Variants in ATP6V0D2 observed in about 807,000 individuals in gnomAD.
ATP6V0D2 encodes V-type proton ATPase subunit d 2.
A neutral mutation model predicts 40.0 loss-of-function variants in ATP6V0D2; 40 were observed. The observed-to-expected ratio is 1.00, with a 90% CI of 0.78 to 1.30. The LOEUF is 1.30. Ranked by LOEUF, ATP6V0D2 falls within the 50% of genes most tolerant of loss-of-function variation. The pLI, the probability that ATP6V0D2 is intolerant of heterozygous loss-of-function variation, is 0.00. For synonymous variants in ATP6V0D2, 179 were observed against 156.3 expected (o/e 1.15, Z -1.08); for missense variants, 470 against 423.1 (o/e 1.11, Z -0.97).
At chr8:86,144,797 G>T (rs1371690159) in intron 5 of ATP6V0D2, among the ~76,000 whole-genome samples, 13 of 152,036 alleles carry the variant, frequency 8.6e-5, no homozygotes, top group African/African-American at 2.4e-4. Flanking sequence ...CTCCTGAGTA[G>T]CTGGAACCAC....
At chr8:86,123,497 A>G (rs1037469373) in intron 2 of ATP6V0D2, among the ~76,000 whole-genome samples, 4 of 152,220 alleles carry the variant, frequency 2.6e-5, no homozygotes, top group Non-Finnish European at 5.9e-5. Flanking sequence ...AAAGCAGAGA[A>G]ACAATAGAGG....
At chr8:86,111,549 G>C (rs540029716) in intron 1 of ATP6V0D2, among the ~76,000 whole-genome samples, 1 of 152,262 alleles carries the variant, frequency 6.6e-6, no homozygotes, top group South Asian at 2.1e-4. Context: ...ATGAATGTAG[G>C]AGTACAGATA....
At chr8:86,132,933 A>G (rs1164209301) in intron 2 of ATP6V0D2, among the ~76,000 whole-genome samples, 1 of 152,078 alleles carries the variant, frequency 6.6e-6, no homozygotes, top group Non-Finnish European at 1.5e-5. Context: ...TACCAATTGA[A>G]ATTTCTACCA....
At chr8:86,107,948 A>T (rs1818487747) in intron 1 of ATP6V0D2, among the ~76,000 whole-genome samples, 2 of 152,208 alleles carry the variant, frequency 1.3e-5, no homozygotes, top group Non-Finnish European at 2.9e-5. Flanking sequence ...TGTATTTATT[A>T]AAAGTCTGAG....
chr8:86,099,014 C>A lies in ATP6V0D2; in HGVS notation c.36C>A (p.Asp12Glu), dbSNP rs768197673. 1 of 1,614,054 alleles carries A rather than the reference C, an allele frequency of 6.2e-7. No individual in the cohort carries two copies. The change falls in exon 1 of 8, where the codon GAC (aspartate) becomes GAA (glutamate). Residue 12 changes from aspartate (D) to glutamate (E), a missense_variant. Coordinates refer to ENST00000285393, the MANE Select transcript of ATP6V0D2 (RefSeq NM_152565.1). ...GTGCGGAGCTGTACTTCAACGTGGACCATGGCTACCTGGAGGGCCTGGTTC... is the reference window on the plus strand; with the variant it reads ...GTGCGGAGCTGTACTTCAACGTGGAACATGGCTACCTGGAGGGCCTGGTTC... The part of the protein sequence containing the change: ...LEGAELYFNV[D>E]HGYLEGLVRG...
intron 1 of ATP6V0D2, among the ~76,000 whole-genome samples, chr8:86,099,736 C>T (rs1013104583): frequency 4.6e-5 from 7 of 152,150 alleles, no homozygotes; most frequent in East Asian, 1.9e-4. Flanking sequence ...TCAGGTGATC[C>T]GACTGCCTTG....
At chr8:86,126,729 TATG>T (rs1818750421) in intron 2 of ATP6V0D2, among the ~76,000 whole-genome samples, 1 of 152,032 alleles carries the variant, frequency 6.6e-6, no homozygotes, top group South Asian at 2.1e-4. Context: ...TCATGAAAAA[TATG>T]ATACTAGAAT....
At chr8:86,115,065 C>T (rs2130240554) in intron 2 of ATP6V0D2, among the ~76,000 whole-genome samples, 1 of 152,252 alleles carries the variant, frequency 6.6e-6, no homozygotes, top group Middle Eastern at 3.4e-3. Flanking sequence ...AAATTAGAGA[C>T]ATGTTATACG....
At chr8:86,100,744 G>A (rs1430294905) in intron 1 of ATP6V0D2, among the ~76,000 whole-genome samples, 2 of 152,046 alleles carry the variant, frequency 1.3e-5, no homozygotes, top group African/African-American at 2.4e-5. Context: ...CTGACTAAGT[G>A]TTTCTGAGAG....
chr8:86,106,846 C>CA (rs552725599), intron 1 of ATP6V0D2, among the ~76,000 whole-genome samples: 27 of 151,870 alleles, frequency 1.8e-4, no homozygotes, highest in East Asian at 5.8e-4. Flanking sequence ...ATTTATGTGG[C>CA]AAAAAAATGC....
intron 2 of ATP6V0D2, among the ~76,000 whole-genome samples, chr8:86,135,438 G>T (rs1260416986): frequency 6.6e-6 from 1 of 152,164 alleles, no homozygotes; most frequent in Non-Finnish European, 1.5e-5. Context: ...CTACTAGGGA[G>T]CCAGCACTTT....
At chr8:86,125,683 C>A (rs1411955246) in intron 2 of ATP6V0D2, among the ~76,000 whole-genome samples, 1 of 151,998 alleles carries the variant, frequency 6.6e-6, no homozygotes, top group Non-Finnish European at 1.5e-5. Flanking sequence ...CCACTCAAAA[C>A]TTTCATGCAT....
intron 5 of ATP6V0D2, among the ~76,000 whole-genome samples, chr8:86,146,907 A>AT (rs1819077673): frequency 6.6e-6 from 1 of 152,014 alleles, no homozygotes; most frequent in East Asian, 1.9e-4. Context: ...AATTACTCTC[A>AT]TTTGGCCAGA....
intron 2 of ATP6V0D2, among the ~76,000 whole-genome samples, chr8:86,125,891 AT>A (rs770314694): frequency 1.3e-5 from 2 of 150,310 alleles, no homozygotes; most frequent in Non-Finnish European, 3.0e-5. Context: ...GATATATTTT[AT>A]TTAATATATT....
At chr8:86,141,425 T>G (rs376116981) in intron 3 of ATP6V0D2, 25 bp from the exon 4 acceptor site, 1 of 1,587,166 alleles carries the variant, frequency 6.3e-7, no homozygotes. Flanking sequence ...GATTCATTTT[T>G]TGGTATGGCA....
At chr8:86,110,817 C>T (rs1266459326) in intron 1 of ATP6V0D2, among the ~76,000 whole-genome samples, 1 of 152,072 alleles carries the variant, frequency 6.6e-6, no homozygotes, top group Non-Finnish European at 1.5e-5. Context: ...TTGAGGGACT[C>T]ACGGTAAGAT....
intron 1 of ATP6V0D2, among the ~76,000 whole-genome samples, chr8:86,108,255 C>G (rs1018641634): frequency 2.0e-5 from 3 of 152,214 alleles, no homozygotes; most frequent in African/African-American, 7.2e-5. Flanking sequence ...AATTCTCCCA[C>G]CTCAGCTTCC....
intron 2 of ATP6V0D2, among the ~76,000 whole-genome samples, chr8:86,127,588 T>C (rs559558913): frequency 1.3e-5 from 2 of 152,164 alleles, no homozygotes; most frequent in African/African-American, 4.8e-5. Context: ...CACACCCAGC[T>C]AATTTCTGTC....
At chr8:86,113,913 A>C in intron 2 of ATP6V0D2, 33 bp downstream of exon 2, 2 of 1,582,180 alleles carry the variant, frequency 1.3e-6, no homozygotes, top group Non-Finnish European at 1.7e-6. Flanking sequence ...AATAAGCCCC[A>C]ATGTACTCGT....
Sources: gnomAD v4.1 joint callset for allele counts (sites outside exome capture counted in the v4.1 genomes callset) on GRCh38, gnomAD v4.1.1 for gene constraint, MANE v1.5 for transcripts, NCBI Gene and HGNC (gene_info 2026-07-23, HGNC 2026-07-21) for gene names.